Variants in PDE1C observed in about 807,000 individuals in gnomAD.
PDE1C encodes dual specificity calcium/calmodulin-dependent 3',5'-cyclic nucleotide phosphodiesterase 1C.
Under a neutral mutation model 93.1 loss-of-function variants are expected in PDE1C, and 62 were observed. The observed-to-expected ratio is 0.67, with a 90% CI of 0.54 to 0.82. The LOEUF is 0.82. Ranked by LOEUF, PDE1C falls within the 40% of genes least tolerant of loss-of-function variation. The pLI is 0.00. For synonymous variants in PDE1C, 325 were observed against 310.1 expected, an observed-to-expected ratio of 1.05 and a Z score of -0.50; for missense variants, 742 against 884.6, an observed-to-expected ratio of 0.84 and a Z score of 2.04.
chr7:32,338,539 G>A (rs953709748), intron 1 of PDE1C, among the ~76,000 whole-genome samples: 2 of 152,108 alleles, frequency 1.3e-5, no homozygotes, highest in Admixed American at 6.5e-5. Context: ...TTCTTGGTAG[G>A]AAGGTAAAAT....
chr7:31,749,903 A>AT (rs1046077897), downstream of PDE1C, among the ~76,000 whole-genome samples: 51 of 151,690 alleles, frequency 3.4e-4, no homozygotes, highest in African/African-American at 1.2e-3. Flanking sequence ...ACACCCAGCT[A>AT]TTTTTTGTAT....
intron 6 of PDE1C, among the ~76,000 whole-genome samples, chr7:31,866,550 G>T (rs12701153): frequency 0.19 from 29,452 of 152,064 alleles, 2,971 homozygotes; most frequent in South Asian, 0.24. Flanking sequence ...CCATGGCCAT[G>T]AAGTATTTGT....
chr7:32,274,372 C>CTTT (rs35725532), intron 1 of PDE1C, among the ~76,000 whole-genome samples: 2,462 of 132,612 alleles, frequency 0.019, 108 homozygotes, highest in African/African-American at 0.064. Context: ...CATGTCTGGC[C>CTTT]TTTTTTTTTT....
At chr7:31,949,298 A>C (rs958912828) in intron 2 of PDE1C, among the ~76,000 whole-genome samples, 2 of 152,028 alleles carry the variant, frequency 1.3e-5, no homozygotes, top group Non-Finnish European at 2.9e-5. Flanking sequence ...ATTTCTACTA[A>C]AAATGCAAAA....
At chr7:31,860,635 GTA>G (rs1156396217) in intron 7 of PDE1C, among the ~76,000 whole-genome samples, 1 of 151,954 alleles carries the variant, frequency 6.6e-6, no homozygotes, top group Non-Finnish European at 1.5e-5. Context: ...TGTTCTCTAT[GTA>G]TTTTCTCCAA....
chr7:31,742,919 C>T, the PDE1C span, among the ~76,000 whole-genome samples: 1 of 152,158 alleles, frequency 6.6e-6, no homozygotes, highest in East Asian at 1.9e-4. Context: ...GTAATCAGTG[C>T]CTACATTCGC....
chr7:31,816,100 T>G lies in PDE1C; in HGVS notation c.1637A>C (p.Gln546Pro). Reference protein sequence around the residue: ...EEKARLAAEEQQKEMEAKSQA... With the variant: ...EEKARLAAEEPQKEMEAKSQA... ...GCTTTTGGCTTCCATTTCCTTTTGCTGCTCCTCTGCGGCCAGGCGAGCCTT... is the reference window on the plus strand; with the variant it reads ...GCTTTTGGCTTCCATTTCCTTTTGCGGCTCCTCTGCGGCCAGGCGAGCCTT... Residue 546 changes from glutamine to proline, a missense_variant, in exon 15 of 18, where the codon CAG (glutamine) becomes CCG (proline). Around this residue, in one of 4 missense-constraint regions of PDE1C, gnomAD observed 454 missense variants for 459.4 expected, o/e 0.99. Transcript: ENST00000396191. The G allele has an allele frequency of 1.9e-6, 3 of 1,614,022 alleles. No homozygotes were observed. The highest frequency in any genetic ancestry group is 1.1e-5 in the South Asian group (1 of 91,082).
the PDE1C span, among the ~76,000 whole-genome samples, chr7:31,693,334 GCAGCATT>G: frequency 6.6e-6 from 1 of 152,194 alleles, no homozygotes; most frequent in African/African-American, 2.4e-5. Flanking sequence ...CCCATTCAGA[GCAGCATT>G]CATTTATTCA....
upstream of PDE1C, chr7:32,070,629 G>A (rs1257608100): frequency 5.7e-6 from 8 of 1,403,960 alleles, no homozygotes; most frequent in East Asian, 8.1e-5. Flanking sequence ...CATGGTCCCG[G>A]GCTAATGCCC....
chr7:32,033,794 AC>A (rs1488317648), intron 2 of PDE1C, among the ~76,000 whole-genome samples: 1 of 152,172 alleles, frequency 6.6e-6, no homozygotes, highest in African/African-American at 2.4e-5. Flanking sequence ...GAAAACAAAA[AC>A]AGTACCCTGA....
chr7:32,390,878 A>G (rs559764781), intron 1 of PDE1C, among the ~76,000 whole-genome samples: 2 of 152,188 alleles, frequency 1.3e-5, no homozygotes, highest in East Asian at 3.9e-4. Context: ...AATAAAACTC[A>G]AAAAATTATA....
At chr7:31,931,947 A>T (rs1804362212) in intron 2 of PDE1C, among the ~76,000 whole-genome samples, 1 of 152,224 alleles carries the variant, frequency 6.6e-6, no homozygotes, top group South Asian at 2.1e-4. Flanking sequence ...GAGAAACCTG[A>T]CAAAAACAAG....
At chr7:32,016,368 A>G (rs1787908219) in intron 2 of PDE1C, among the ~76,000 whole-genome samples, 1 of 152,238 alleles carries the variant, frequency 6.6e-6, no homozygotes, top group African/African-American at 2.4e-5. Flanking sequence ...CCTACCCTGA[A>G]TCAGTATCAG....
At chr7:31,909,560 C>A (rs1800982991) in intron 2 of PDE1C, among the ~76,000 whole-genome samples, 1 of 152,080 alleles carries the variant, frequency 6.6e-6, no homozygotes, top group African/African-American at 2.4e-5. Flanking sequence ...ATTATCAATT[C>A]TGAGATGCAT....
intron 1 of PDE1C, among the ~76,000 whole-genome samples, chr7:32,361,191 A>G (rs1784130807): frequency 6.6e-6 from 1 of 152,192 alleles, no homozygotes; most frequent in South Asian, 2.1e-4. Context: ...AGGTTCTCAC[A>G]GGTAGTAGGA....
intron 17 of PDE1C, among the ~76,000 whole-genome samples, chr7:31,771,100 GCTGT>G (rs1468490537): frequency 1.3e-5 from 2 of 151,650 alleles, no homozygotes; most frequent in Admixed American, 6.6e-5. Flanking sequence ...CCTCCATTTG[GCTGT>G]CTGAGTATCC....
intron 1 of PDE1C, among the ~76,000 whole-genome samples, chr7:32,233,237 C>T (rs575096899): frequency 6.6e-6 from 1 of 151,994 alleles, no homozygotes; most frequent in African/African-American, 2.4e-5. Context: ...AAAAAATGTT[C>T]AAATAACTTA....
chr7:32,042,148 G>A (rs186642738), intron 2 of PDE1C, among the ~76,000 whole-genome samples: 6 of 152,044 alleles, frequency 3.9e-5, no homozygotes, highest in African/African-American at 1.4e-4. Flanking sequence ...AAAAATACAA[G>A]AAGTAGCTGG....
intron 3 of PDE1C, among the ~76,000 whole-genome samples, chr7:32,111,795 C>T (rs1416333107): frequency 6.6e-6 from 1 of 152,158 alleles, no homozygotes; most frequent in Non-Finnish European, 1.5e-5. Context: ...GAGTGTAACT[C>T]ACACTGTCTT....
Sources: allele counts gnomAD v4.1 joint callset (sites outside exome capture counted in the v4.1 genomes callset), GRCh38; gene constraint gnomAD v4.1.1; regional missense constraint gnomAD v4.1.1; transcripts MANE v1.5; gene names NCBI Gene and HGNC (gene_info 2026-07-23, HGNC 2026-07-21).